KIF26B: variants seen among roughly 807,000 people sequenced by gnomAD.
The protein encoded by KIF26B is kinesin-like protein KIF26B.
KIF26B carries 63 observed loss-of-function variants against 151.2 expected under a neutral mutation model. The ratio of observed to expected loss-of-function variants is 0.42; its 90% CI spans 0.34 to 0.51. KIF26B has a LOEUF of 0.51. Ranked by LOEUF, KIF26B falls within the 20% of genes least tolerant of loss-of-function variation. KIF26B has a pLI of 0.07. For missense variants in KIF26B, 2,813 were observed against 2,913.6 expected, an observed-to-expected ratio of 0.97 and a Z score of 0.79; for synonymous variants, 1,357 against 1,262.1, an observed-to-expected ratio of 1.08 and a Z score of -1.59.
intron 4 of KIF26B, among the ~76,000 whole-genome samples, chr1:245,433,232 G>A (rs1460488472): frequency 1.3e-5 from 2 of 151,958 alleles, no homozygotes; most frequent in Non-Finnish European, 2.9e-5. Flanking sequence ...TTGGGAGGCC[G>A]AGGCAGGTGG....
chr1:245,684,089 A>C (rs1414389851), intron 10 of KIF26B, 144 bp from the exon 11 acceptor site: 1 of 811,164 alleles, frequency 1.2e-6, no homozygotes, highest in African/African-American at 1.7e-5. Flanking sequence ...CCATGCTGGA[A>C]AATGATGCTA....
chr1:245,406,149 C>T (rs1056197674), intron 3 of KIF26B, among the ~76,000 whole-genome samples: 4 of 152,188 alleles, frequency 2.6e-5, no homozygotes, highest in African/African-American at 4.8e-5. Flanking sequence ...CATGGCCCTC[C>T]AGTCATCCTA....
intron 4 of KIF26B, among the ~76,000 whole-genome samples, chr1:245,496,640 A>T (rs1660518466): frequency 6.6e-6 from 1 of 152,186 alleles, no homozygotes; most frequent in South Asian, 2.1e-4. Flanking sequence ...GAGAACATAA[A>T]CTAGGTGGAC....
At chr1:245,591,573 G>A (rs960021650) in intron 5 of KIF26B, among the ~76,000 whole-genome samples, 2 of 152,168 alleles carry the variant, frequency 1.3e-5, no homozygotes, top group East Asian at 3.9e-4. Context: ...TAGGCCATGT[G>A]CCCTGTAAGT....
At chr1:245,204,782 A>AT (rs199768210) in intron 2 of KIF26B, among the ~76,000 whole-genome samples, 1,566 of 149,722 alleles carry the variant, frequency 0.01, 21 homozygotes, top group African/African-American at 0.032. Flanking sequence ...ATTTTGTGTG[A>AT]TTTTTTTTTT....
At chr1:245,263,438 T>C (rs901562291) in intron 2 of KIF26B, among the ~76,000 whole-genome samples, 1 of 152,230 alleles carries the variant, frequency 6.6e-6, no homozygotes, top group Admixed American at 6.5e-5. Flanking sequence ...GTTAGCACGG[T>C]TGATGCATTG....
At chr1:245,700,567 G>T (rs1030969499) in intron 14 of KIF26B, among the ~76,000 whole-genome samples, 1 of 152,096 alleles carries the variant, frequency 6.6e-6, no homozygotes, top group African/African-American at 2.4e-5. Flanking sequence ...GCGTGGTGGC[G>T]GGCACCTGTA....
intron 9 of KIF26B, among the ~76,000 whole-genome samples, chr1:245,620,236 G>A (rs1434869861): frequency 1.3e-5 from 2 of 151,820 alleles, no homozygotes; most frequent in Non-Finnish European, 2.9e-5. Context: ...TGACTTCCAC[G>A]AACCACATTC....
intron 3 of KIF26B, among the ~76,000 whole-genome samples, chr1:245,402,881 G>C (rs979975784): frequency 6.6e-6 from 1 of 152,162 alleles, no homozygotes; most frequent in South Asian, 2.1e-4. Flanking sequence ...AAAACTCATG[G>C]CTGCGAAGAG....
rs1573686460 is a variant in KIF26B, at chr1:245,171,923, G to T, written c.465+15240G>T. On this transcript the variant is annotated intron_variant, in intron 2 of 14. Coordinates refer to ENST00000407071, the MANE Select transcript of KIF26B (RefSeq NM_018012.4). ...ACAGGCGTGTTTTGTCTGCTGCATG[G>T]TAGTCATTCATTAAATGTGAGTATC... is the stretch of plus-strand genomic sequence containing the variant. Among the ~76,000 whole-genome samples the T allele has an allele frequency of 2.0e-5, 3 of 152,310 alleles. No individual in the cohort carries two copies. In the East Asian group the frequency reaches 5.8e-4, roughly 29 times the overall value.
rs1367292746 is a variant in KIF26B, at chr1:245,540,875, G to C, written c.1275G>C (p.Gln425His). Residue 425 changes from glutamine to histidine, a missense_variant, in exon 5 of 15, where the codon CAG (glutamine) becomes CAC (histidine). Around this residue, in one of 3 missense-constraint regions of KIF26B, gnomAD observed 676 missense variants for 688.1 expected, o/e 0.98. Transcript: ENST00000407071. The surrounding 1 kb of genome is among the most constrained non-coding windows in gnomAD (Gnocchi z 4.6). ...LFATSFSGIL[Q>H]TSPPPAPPCL... Reference sequence around the variant, plus strand: ...CAACCAGCTTCAGTGGGATTCTGCAGACCTCCCCTCCCCCAGCCCCACCCT... The same window carrying C: ...CAACCAGCTTCAGTGGGATTCTGCACACCTCCCCTCCCCCAGCCCCACCCT... 1.5e-5 allele frequency: 25 copies of C among 1,613,824 alleles called. No individual in the cohort carries two copies. The highest frequency in any genetic ancestry group is 2.7e-5 in the African/African-American group (2 of 74,912).
rs1572015772 is a variant in KIF26B at position 245,347,250 on chromosome 1, A to C, written c.466-19584A>C. Among the ~76,000 whole-genome samples, 3 of 152,270 alleles carry C rather than the reference A, an allele frequency of 2.0e-5. No individual in the cohort carries two copies. The East Asian group carries it at 5.8e-4, about 29-fold the overall frequency. On this transcript the variant is annotated intron_variant, in intron 2 of 14. Coordinates refer to ENST00000407071, the MANE Select transcript of KIF26B (RefSeq NM_018012.4). ...AATGCTATTATAACTCCCAACTTAAAAAATAAATTTCTCTTAACCTCACAC... is the reference window on the plus strand; with the variant it reads ...AATGCTATTATAACTCCCAACTTAACAAATAAATTTCTCTTAACCTCACAC...
chr1:245,703,566 CCA>C lies in KIF26B; in HGVS notation c.*963_*964del, dbSNP rs1331363374. ...ACATGTGGTTCCTTGACCCACAAAT[CCA>C]CAGTTTGCGTGGCCCTCAAAATTCA... is the stretch of plus-strand genomic sequence containing the variant. On this transcript the variant is annotated 3_prime_UTR_variant, in exon 15 of 15. Transcript: ENST00000407071. 6 of 152,200 alleles carry C rather than the reference CCA, an allele frequency of 3.9e-5. No individual in the cohort carries two copies. The highest frequency in any genetic ancestry group is 7.3e-5 in the Non-Finnish European group (5 of 68,028). The allele number at this position is 152,200 out of a possible 1,614,324, so 9.4% of individuals were successfully genotyped here.
chr1:245,333,031 AG>A (rs1391419760), intron 2 of KIF26B, among the ~76,000 whole-genome samples: 1 of 152,172 alleles, frequency 6.6e-6, no homozygotes, highest in Non-Finnish European at 1.5e-5. Flanking sequence ...CAAGAATCAA[AG>A]GACTGGTGGG....
intron 4 of KIF26B, among the ~76,000 whole-genome samples, chr1:245,536,412 AT>A (rs1322890656): frequency 6.6e-6 from 1 of 152,094 alleles, no homozygotes; most frequent in Non-Finnish European, 1.5e-5. Context: ...CCCTGGTAAA[AT>A]TTACATTCTA....
rs2042971576 is a variant in KIF26B at position 245,563,069 on chromosome 1, G to T, written c.1350+22119G>T. ...CCTCCCCAGCACAGCCAGCATAGGA[G>T]CCGGCACTTAGTACATGTTTGTTTG... On this transcript the variant is annotated intron_variant, in intron 5 of 14. Transcript: ENST00000407071. The surrounding 1 kb of genome is among the most constrained non-coding windows in gnomAD (Gnocchi z 4.6). 6.6e-6 allele frequency among the ~76,000 whole-genome samples: 1 copy of T among 152,152 alleles called. No homozygotes were observed. The highest frequency in any genetic ancestry group is 2.4e-5 in the African/African-American group (1 of 41,422).
intron 4 of KIF26B, among the ~76,000 whole-genome samples, chr1:245,437,107 A>G (rs1407002401): frequency 1.3e-5 from 2 of 152,030 alleles, no homozygotes; most frequent in African/African-American, 4.8e-5. Flanking sequence ...GGCTGGTCTC[A>G]AACTGATGGC....
intron 4 of KIF26B, among the ~76,000 whole-genome samples, chr1:245,420,258 T>C (rs1658453111): frequency 6.6e-6 from 1 of 152,218 alleles, no homozygotes; most frequent in African/African-American, 2.4e-5. Flanking sequence ...ACTCTCCAGC[T>C]AATCTTGGGA....
At chr1:245,205,247 A>G (rs757660575) in intron 2 of KIF26B, among the ~76,000 whole-genome samples, 2 of 152,200 alleles carry the variant, frequency 1.3e-5, no homozygotes, top group Admixed American at 6.5e-5. Context: ...TCGTGTTAAA[A>G]AGACCGTTAG....
Sources: allele counts gnomAD v4.1 joint callset (sites outside exome capture counted in the v4.1 genomes callset), GRCh38; gene constraint gnomAD v4.1.1; regional missense constraint gnomAD v4.1.1; non-coding constraint Gnocchi (gnomAD v3.1); transcripts MANE v1.5; gene names NCBI Gene and HGNC (gene_info 2026-07-23, HGNC 2026-07-21).